Variants in KIF1A observed in about 807,000 individuals in gnomAD.
The protein encoded by KIF1A is kinesin-like protein KIF1A.
A neutral mutation model predicts 227.3 loss-of-function variants in KIF1A; 46 were observed. That is an observed-to-expected ratio of 0.20 (90% CI 0.16 to 0.26). KIF1A has a LOEUF of 0.26. KIF1A is among the 10% of genes least tolerant of loss of function. KIF1A has a pLI of 1.00. For synonymous variants in KIF1A, 1,022 were observed against 1,012.8 expected (o/e 1.01, Z -0.17); for missense variants, 1,683 against 2,485.9 (o/e 0.68, Z 6.87).
chr2:240,746,541 C>G (rs2048619644), intron 29 of KIF1A, among the ~76,000 whole-genome samples: 1 of 152,200 alleles, frequency 6.6e-6, no homozygotes, highest in Non-Finnish European at 1.5e-5. Flanking sequence ...TTGGGCATCC[C>G]CAATACTGAC....
intron 44 of KIF1A, among the ~76,000 whole-genome samples, chr2:240,721,241 T>C (rs1468839790): frequency 1.3e-5 from 2 of 151,844 alleles, no homozygotes; most frequent in Non-Finnish European, 2.9e-5. Context: ...GCCCCTCCCA[T>C]CACTTCAGGC....
chr2:240,786,804 C>CAG lies in KIF1A; in HGVS notation c.430-292_430-291insCT, dbSNP rs1158985778. On this transcript the variant is annotated intron_variant, in intron 5 of 48. Transcript: ENST00000498729. ...CCCCTGAGTGAGGGGGTGGGGGCTG[C>CAG]CATCAGGACCCCTGAGTGAGAGGGT... is the stretch of plus-strand genomic sequence containing the variant. Among the ~76,000 whole-genome samples the CAG allele has an allele frequency of 0.013, 1,652 of 126,906 alleles. 157 individuals carry two copies. Among genetic ancestry groups the CAG allele is most frequent in the African/African-American group, 0.055 (1,515 of 27,682 alleles). 83.3% of individuals were successfully genotyped at this position (126,906 alleles called of 152,430 possible). A position where few individuals can be genotyped will look rare whatever the true frequency, so the allele number is the denominator to read the frequency against.
At chr2:240,787,414 C>A in intron 4 of KIF1A, 98 bp from the exon 5 acceptor site, 1 of 1,051,106 alleles carries the variant, frequency 9.5e-7, no homozygotes, top group East Asian at 2.4e-5. Context: ...CAGGCGGGAT[C>A]CACCCTCTCA....
At chr2:240,738,201 T>C (rs894509688) in intron 37 of KIF1A, among the ~76,000 whole-genome samples, 3 of 152,200 alleles carry the variant, frequency 2.0e-5, no homozygotes, top group Non-Finnish European at 2.9e-5. Context: ...GTGTTTAGCC[T>C]GCTCTGCGTC....
At position 240,736,379 on chromosome 2, in the gene KIF1A, C is replaced by T. The variant is rs898881136; in HGVS notation, c.4007+684G>A. Reference sequence around the variant, plus strand: ...CCCCTGGAAGGCAGCGTCTGGGACGCAGTGGAGCCCGCGGGACGTCCCCAC... The same window carrying T: ...CCCCTGGAAGGCAGCGTCTGGGACGTAGTGGAGCCCGCGGGACGTCCCCAC... On this transcript the variant is annotated intron_variant, in intron 38 of 48. Transcript: ENST00000498729. This position sits in a 1 kb window ranked among gnomAD's most constrained non-coding sequence, Gnocchi z 4.7. Among the ~76,000 whole-genome samples, 1 of 152,026 alleles carries T rather than the reference C, an allele frequency of 6.6e-6. No individual in the cohort carries two copies. Among genetic ancestry groups the T allele is most frequent in the Non-Finnish European group, 1.5e-5 (1 of 68,002 alleles).
chr2:240,744,311 CA>C (rs2048343666), intron 32 of KIF1A, among the ~76,000 whole-genome samples: 1 of 152,176 alleles, frequency 6.6e-6, no homozygotes, highest in Non-Finnish European at 1.5e-5. Flanking sequence ...CCGCGTGGCT[CA>C]GCTGCCCTTT....
At position 240,725,196 on chromosome 2, in the gene KIF1A, G is replaced by A. The variant is rs919365396; in HGVS notation, c.4256+75C>T. The A allele has an allele frequency of 6.7e-7, 1 of 1,503,594 alleles. No homozygotes were observed. The highest frequency in any genetic ancestry group is 2.2e-5 in the Admixed American group (1 of 45,840). The allele number at this position is 1,503,594 out of a possible 1,614,324, so 93.1% of individuals were successfully genotyped here. ...GCTGCCGGGTGGCCCAAGGACCGCT[G>A]CCAGGCAGAGCCCTGCCTGGCCCGC... On this transcript the variant is annotated intron_variant, in intron 40 of 48. Transcript: ENST00000498729. The surrounding 1 kb of genome is among the most constrained non-coding windows in gnomAD (Gnocchi z 5.8).
intron 5 of KIF1A, among the ~76,000 whole-genome samples, chr2:240,786,940 A>C (rs2055014856): frequency 6.6e-6 from 1 of 151,864 alleles, no homozygotes; most frequent in African/African-American, 2.4e-5. Context: ...GCTCTAGGAC[A>C]CACACATGCC....
Position 240,752,368 on chromosome 2 carries a change from G to A in KIF1A, c.2859-1821C>T, listed in dbSNP as rs559907841. On this transcript the variant is annotated intron_variant, in intron 27 of 48. Transcript: ENST00000498729. The surrounding 1 kb of genome is among the most constrained non-coding windows in gnomAD (Gnocchi z 6.4). ...GAGGACACTGAGGCCCACAGGGCGG[G>A]GCCCCTCCCCACAGTCCTGCTGGGT... Among the ~76,000 whole-genome samples, 1 of 152,222 alleles carries A rather than the reference G, an allele frequency of 6.6e-6. No homozygotes were observed. The highest frequency in any genetic ancestry group is 6.5e-5 in the Admixed American group (1 of 15,304).
At chr2:240,804,019 G>C (rs1362050568) in intron 1 of KIF1A, among the ~76,000 whole-genome samples, 8 of 152,190 alleles carry the variant, frequency 5.3e-5, no homozygotes, top group Admixed American at 4.6e-4. Context: ...TGTAATTCCA[G>C]CACTTTGGAA....
intron 38 of KIF1A, chr2:240,728,492 C>T: frequency 1.0e-6 from 1 of 969,846 alleles, no homozygotes; most frequent in South Asian, 1.3e-5. Context: ...GGCACAAGGC[C>T]CAGGGCAGAA....
At chr2:240,733,829 A>G (rs562393037) in intron 38 of KIF1A, among the ~76,000 whole-genome samples, 1 of 152,272 alleles carries the variant, frequency 6.6e-6, no homozygotes, top group Non-Finnish European at 1.5e-5. Context: ...CCACAGGATA[A>G]CTGCCGTGAC....
At chr2:240,810,181 C>T (rs138339695) in intron 1 of KIF1A, among the ~76,000 whole-genome samples, 457 of 152,182 alleles carry the variant, frequency 3.0e-3, no homozygotes, top group African/African-American at 0.01. Context: ...ATCACTAAAA[C>T]GGTGACGAGA....
Position 240,786,487 on chromosome 2 carries a change from C to T in KIF1A, c.456G>A (p.Glu152=), listed in dbSNP as rs749559557. 5 of 1,613,450 alleles carry T rather than the reference C, an allele frequency of 3.1e-6. No individual in the cohort carries two copies. Among genetic ancestry groups the T allele is most frequent in the South Asian group, 1.1e-5 (1 of 91,070 alleles). Residue 152 remains glutamate (E), a synonymous_variant, in exon 6 of 49, where the codon GAG becomes GAA. Transcript: ENST00000498729. ...VEVSYMEIYC[E]RVRDLLNPKN... ...TGGGGTTCAGGAGGTCACGGACGCG[C>T]TCACAGTAAATCTCCATGTAGCTGA...
intron 1 of KIF1A, among the ~76,000 whole-genome samples, chr2:240,807,131 TA>T: frequency 2.7e-5 from 1 of 37,344 alleles, no homozygotes; most frequent in African/African-American, 2.3e-4. Context: ...TGTGTGTGTG[TA>T]TATATATATA....
rs954935734 is a variant in KIF1A at position 240,736,215 on chromosome 2, T to C, written c.4007+848A>G. On this transcript the variant is annotated intron_variant, in intron 38 of 48. Coordinates refer to ENST00000498729, the MANE Select transcript of KIF1A (RefSeq NM_001244008.2). The surrounding 1 kb of genome is among the most constrained non-coding windows in gnomAD (Gnocchi z 4.7). ...TTGCAGGGAGGCCCTCAAAGACGTT[T>C]TCCTACAAACACAGCCATGGAGACA... 6.6e-6 allele frequency among the ~76,000 whole-genome samples: 1 copy of C among 152,124 alleles called. No homozygotes were observed. Among genetic ancestry groups the C allele is most frequent in the South Asian group, 2.1e-4 (1 of 4,824 alleles).
rs1377155792 is a variant in KIF1A at position 240,726,810 on chromosome 2, G to C, written c.4122+16C>G. ...CTGAGTGGTTTTGGTGGAGTGCCCT[G>C]GCATAGGTGCCTTGCCTCGATATAA... On this transcript the variant is annotated intron_variant, in intron 39 of 48. Transcript: ENST00000498729. The surrounding 1 kb of genome is among the most constrained non-coding windows in gnomAD (Gnocchi z 5.2). 6.6e-7 allele frequency: 1 copy of C among 1,525,686 alleles called. No homozygotes were observed. The highest frequency in any genetic ancestry group is 9.0e-7 in the Non-Finnish European group (1 of 1,105,666). 94.5% of individuals were successfully genotyped at this position (1,525,686 alleles called of 1,614,324 possible).
intron 38 of KIF1A, among the ~76,000 whole-genome samples, chr2:240,729,318 T>G (rs2046358747): frequency 1.3e-5 from 2 of 150,698 alleles, no homozygotes; most frequent in Admixed American, 1.3e-4. Flanking sequence ...TCCATCTCCG[T>G]GTGTGCAGAC....
At position 240,747,397 on chromosome 2, in the gene KIF1A, C is replaced by T. The variant is rs552369265; in HGVS notation, c.2978-76G>A. The T allele has an allele frequency of 8.9e-4, 1,031 of 1,163,606 alleles. 4 individuals carry two copies. In the African/African-American group the frequency reaches 0.014, roughly 16 times the overall value. The allele number at this position is 1,163,606 out of a possible 1,614,324, so 72.1% of individuals were successfully genotyped here. A position where few individuals can be genotyped will look rare whatever the true frequency, so the allele number is the denominator to read the frequency against. On this transcript the variant is annotated intron_variant, in intron 28 of 48. Transcript: ENST00000498729. ...GGGTGTGGGCAGAGCCAGGCTGGGC[C>T]ACCCCGCAGTCAAAGTGAGGGCACA...
Sources: allele counts gnomAD v4.1 joint callset (sites outside exome capture counted in the v4.1 genomes callset), GRCh38; gene constraint gnomAD v4.1.1; non-coding constraint Gnocchi (gnomAD v3.1); transcripts MANE v1.5; gene names NCBI Gene and HGNC (gene_info 2026-07-23, HGNC 2026-07-21).